The following NDST3 variants were observed in gnomAD, a reference collection of about 807,000 sequenced individuals.
NDST3 encodes N-deacetylase and N-sulfotransferase 3, also known as bifunctional heparan sulfate N-deacetylase/N-sulfotransferase 3.
In NDST3, 58 loss-of-function variants were observed where a neutral mutation model predicts 96.1. The observed-to-expected ratio is 0.60, with a 90% confidence interval of 0.49 to 0.75. NDST3 has a LOEUF of 0.75. Ranked by LOEUF, NDST3 falls within the 30% of genes least tolerant of loss-of-function variation. The probability of loss-of-function intolerance (pLI) is 0.00; values close to 1 mark genes in which losing one functional copy is unlikely to be tolerated. For missense variants in NDST3, 788 were observed against 1,034.2 expected (o/e 0.76, Z 3.27); for synonymous variants, 333 against 359.7 (o/e 0.93, Z 0.84).
At chr4:118,094,124 A>G (rs1366054342) in intron 2 of NDST3, among the ~76,000 whole-genome samples, 1 of 151,840 alleles carries the variant, frequency 6.6e-6, no homozygotes, top group Non-Finnish European at 1.5e-5. Flanking sequence ...AAGTTTCAAC[A>G]TATGTATTGT....
Position 118,223,403 on chromosome 4 carries a change from T to C in NDST3, c.1540-1088T>C, listed in dbSNP as rs79793386. ...CAATTCCATGACTGCATTGGTCTGC[T>C]GGTACAGACAGCTATTTTAAATCAC... On this transcript the variant is annotated intron_variant, in intron 6 of 13. Transcript: ENST00000296499. Among the ~76,000 whole-genome samples the C allele has an allele frequency of 3.9e-3, 587 of 152,198 alleles. 5 individuals are homozygous for C. The highest frequency in any genetic ancestry group is 0.013 in the African/African-American group (560 of 41,564).
intron 2 of NDST3, among the ~76,000 whole-genome samples, chr4:118,097,346 G>A (rs978309933): frequency 5.3e-5 from 8 of 151,802 alleles, no homozygotes; most frequent in Non-Finnish European, 1.5e-5. Flanking sequence ...TTGATTAGCT[G>A]AATTATTTCC....
intron 1 of NDST3, among the ~76,000 whole-genome samples, chr4:118,043,045 T>C (rs1262826086): frequency 6.6e-6 from 1 of 152,200 alleles, no homozygotes; most frequent in Non-Finnish European, 1.5e-5. Context: ...CTAATATACT[T>C]CCGTGGTGTC....
Position 118,224,541 on chromosome 4 carries a change from A to G in NDST3, c.1590A>G (p.Gly530=). Residue 530 remains glycine (G), a synonymous_variant, in exon 7 of 14, where the codon GGA becomes GGG. Coordinates refer to ENST00000296499, the MANE Select transcript of NDST3 (RefSeq NM_004784.3). ...CCAACTATGGGAATGACCGACTGGG[A>G]TTATATACATTTGTTAATCTGGCCA... The part of the protein sequence containing the change: ...HLSNYGNDRL[G]LYTFVNLANF... 6.2e-7 allele frequency: 1 copy of G among 1,612,220 alleles called. No homozygotes were observed. Among genetic ancestry groups the G allele is most frequent in the Non-Finnish European group, 8.5e-7 (1 of 1,179,114 alleles).
At chr4:118,041,623 G>A (rs980324244) in intron 1 of NDST3, among the ~76,000 whole-genome samples, 3 of 152,184 alleles carry the variant, frequency 2.0e-5, no homozygotes, top group African/African-American at 7.2e-5. Flanking sequence ...AGACAGTTGT[G>A]TCTGTGGGAA....
chr4:118,240,832 G>C, intron 11 of NDST3, 138 bp downstream of exon 11: 1 of 731,366 alleles, frequency 1.4e-6, no homozygotes, highest in Non-Finnish European at 2.1e-6. Flanking sequence ...CTATGGCAAA[G>C]AGAAATAGGC....
In NDST3 at chr4:118,103,146, C is replaced by T. The variant is rs1002792460; in HGVS notation, c.982-1872C>T. ...CAATCAAGGATCACAAAGCAAAGTT[C>T]GAATTCCAATTAAGTTTGAACAAAA... is the stretch of plus-strand genomic sequence containing the variant. On this transcript the variant is annotated intron_variant, in intron 2 of 13. Transcript: ENST00000296499. Among the ~76,000 whole-genome samples, 91 of 151,952 alleles carry T rather than the reference C, an allele frequency of 6.0e-4. 1 individual carries two copies. Among genetic ancestry groups the T allele is most frequent in the African/African-American group, 2.0e-3 (81 of 41,480 alleles).
chr4:118,107,512 G>T (rs1281581801), intron 3 of NDST3, among the ~76,000 whole-genome samples: 1 of 152,024 alleles, frequency 6.6e-6, no homozygotes, highest in African/African-American at 2.4e-5. Flanking sequence ...TGAAAAATCA[G>T]TGTACAGTAC....
chr4:118,066,457 TATAC>T (rs1726498145), intron 2 of NDST3, among the ~76,000 whole-genome samples: 2 of 15,362 alleles, frequency 1.3e-4, no homozygotes, highest in Non-Finnish European at 2.0e-4. Flanking sequence ...ATATATTATA[TATAC>T]ATTATATATG....
chr4:118,128,448 T>C (rs1560663479), intron 4 of NDST3, among the ~76,000 whole-genome samples: 1 of 152,256 alleles, frequency 6.6e-6, no homozygotes, highest in East Asian at 1.9e-4. Flanking sequence ...AATGATTGTA[T>C]GATTTTTGTC....
chr4:118,049,336 C>A (rs1423178828), intron 1 of NDST3, among the ~76,000 whole-genome samples: 1 of 151,646 alleles, frequency 6.6e-6, no homozygotes, highest in African/African-American at 2.4e-5. Flanking sequence ...AACAAACATA[C>A]CCCCACAGCT....
intron 4 of NDST3, among the ~76,000 whole-genome samples, chr4:118,136,920 T>C (rs760620462): frequency 6.6e-6 from 1 of 152,188 alleles, no homozygotes; most frequent in Non-Finnish European, 1.5e-5. Context: ...TTTTATGCTG[T>C]ATCAAGGAAT....
chr4:118,114,109 T>C (rs922647939), intron 3 of NDST3, among the ~76,000 whole-genome samples: 1 of 151,322 alleles, frequency 6.6e-6, no homozygotes, highest in African/African-American at 2.4e-5. Context: ...AGTTTCGTGA[T>C]GCAAAATCTT....
At chr4:118,115,090 C>A in intron 4 of NDST3, 130 bp downstream of exon 4, 1 of 926,442 alleles carries the variant, frequency 1.1e-6, no homozygotes, top group Non-Finnish European at 1.6e-6. Context: ...TTTGGTATTG[C>A]CGCCTTTCAG....
chr4:118,106,938 A>G (rs1350460185), intron 3 of NDST3, among the ~76,000 whole-genome samples: 12 of 151,954 alleles, frequency 7.9e-5, no homozygotes, highest in Non-Finnish European at 1.8e-4. Context: ...AAAATACAAA[A>G]CATTAGCCAG....
At chr4:118,037,196 T>C (rs181321078) in intron 1 of NDST3, among the ~76,000 whole-genome samples, 100 of 152,246 alleles carry the variant, frequency 6.6e-4, no homozygotes, top group African/African-American at 2.2e-3. Context: ...AGGACGAAGA[T>C]AGATGAGAAA....
At chr4:118,208,519 T>A (rs1249301020) in intron 6 of NDST3, among the ~76,000 whole-genome samples, 1 of 144,396 alleles carries the variant, frequency 6.9e-6, no homozygotes, top group Non-Finnish European at 1.5e-5. Context: ...TCACTGAGGT[T>A]ATCTTTGTGA....
rs1220383649 is a variant in NDST3, at chr4:118,058,632, T to C, written c.981+3741T>C. On this transcript the variant is annotated intron_variant, in intron 2 of 13. Coordinates refer to ENST00000296499, the MANE Select transcript of NDST3 (RefSeq NM_004784.3). ...GTGTGTGTGTGTGTGTGTGTGTGTG[T>C]GTGCGCGCGCGCGCACGCATGCATG... Among the ~76,000 whole-genome samples, 13 of 18,732 alleles carry C rather than the reference T, an allele frequency of 6.9e-4. No individual in the cohort carries two copies. In the East Asian group the frequency reaches 8.1e-3, roughly 12 times the overall value. 12.3% of individuals were successfully genotyped at this position (18,732 alleles called of 152,430 possible).
At chr4:118,033,506 C>G (rs879309213), upstream of NDST3, 1 of 151,894 alleles carries the variant, frequency 6.6e-6, no homozygotes, top group Non-Finnish European at 1.5e-5. Context: ...CGGGCGGGAG[C>G]CCGGTCGATG....
Sources: allele counts gnomAD v4.1 joint callset (sites outside exome capture counted in the v4.1 genomes callset), GRCh38; gene constraint gnomAD v4.1.1; transcripts MANE v1.5; gene names NCBI Gene and HGNC (gene_info 2026-07-23, HGNC 2026-07-21).